The following PRKN variants were observed in gnomAD, a reference collection of about 807,000 sequenced individuals.
The protein encoded by PRKN is parkin RBR E3 ubiquitin protein ligase.
A neutral mutation model predicts 59.5 loss-of-function variants in PRKN; 56 were observed. That is an observed-to-expected ratio of 0.94 (90% CI 0.76 to 1.18). The LOEUF is 1.18. Among genes scored for constraint, PRKN ranks in the 50% most tolerant of loss-of-function variants. The probability of loss-of-function intolerance (pLI) is 0.00; values close to 1 mark genes in which losing one functional copy is unlikely to be tolerated. For synonymous variants in PRKN, 250 were observed against 222.1 expected (o/e 1.13, Z -1.12); for missense variants, 657 against 596.4 (o/e 1.10, Z -1.06).
rs1554252217 is a variant in PRKN, at chr6:161,360,167, A to G, written c.1206T>C (p.Arg402=). The change falls in exon 11 of 12, where the codon CGT becomes CGC. Residue 402 remains arginine (R), a synonymous_variant. Transcript: ENST00000366898. This position sits in a 1 kb window ranked among gnomAD's most constrained non-coding sequence, Gnocchi z 5.1. ...TGGTTTCTTTGGAGGCTGCTTCCCA[A>G]CGAGCCTGCTCGGCGGCTCTTTCAT... ...RVDERAAEQA[R]WEAASKETIK... 4.3e-6 allele frequency: 7 copies of G among 1,613,958 alleles called. No homozygotes were observed. The highest frequency in any genetic ancestry group is 2.7e-5 in the African/African-American group (2 of 75,040).
rs9365298 is a variant in PRKN, at chr6:161,538,771, T to A, written c.1083+10083A>T. Among the ~76,000 whole-genome samples, 2 of 151,988 alleles carry A rather than the reference T, an allele frequency of 1.3e-5. No homozygotes were observed. The highest frequency in any genetic ancestry group is 3.9e-4 in the East Asian group (2 of 5,182). ...TTTACCCAAGAAAAGCCCTATTACC[T>A]CCCAGGAGCTTGTAGAGAGATTTGA... On this transcript the variant is annotated intron_variant, in intron 9 of 11. Coordinates refer to ENST00000366898, the MANE Select transcript of PRKN (RefSeq NM_004562.3). The surrounding 1 kb of genome is among the most constrained non-coding windows in gnomAD (Gnocchi z 4.2).
chr6:161,733,485 A>G (rs1787806320), intron 7 of PRKN, among the ~76,000 whole-genome samples: 2 of 152,090 alleles, frequency 1.3e-5, no homozygotes, highest in Admixed American at 1.3e-4. Flanking sequence ...CAGCCAGAAT[A>G]CTACAGGTAG....
intron 4 of PRKN, among the ~76,000 whole-genome samples, chr6:162,198,174 T>G (rs1784574309): frequency 6.6e-6 from 1 of 152,016 alleles, no homozygotes; most frequent in African/African-American, 2.4e-5. Context: ...CAGCATGAAT[T>G]TAAATATCAA....
chr6:162,676,362 A>T (rs970608344), intron 1 of PRKN, among the ~76,000 whole-genome samples: 2 of 152,134 alleles, frequency 1.3e-5, no homozygotes, highest in African/African-American at 4.8e-5. Context: ...TCAAAAAAAA[A>T]ATAGCAGAGG....
intron 2 of PRKN, among the ~76,000 whole-genome samples, chr6:162,410,578 C>A (rs1395281833): frequency 6.6e-6 from 1 of 152,154 alleles, no homozygotes; most frequent in East Asian, 1.9e-4. Flanking sequence ...AGGAAGCCTG[C>A]CTCAGAGGAG....
chr6:162,046,411 T>A (rs781715345), intron 5 of PRKN, among the ~76,000 whole-genome samples: 20 of 152,206 alleles, frequency 1.3e-4, no homozygotes, highest in Non-Finnish European at 2.5e-4. Context: ...ACAGCTGACA[T>A]TCACCTTGAC....
At chr6:162,495,882 C>T (rs1793045065) in intron 1 of PRKN, among the ~76,000 whole-genome samples, 1 of 152,144 alleles carries the variant, frequency 6.6e-6, no homozygotes, top group Non-Finnish European at 1.5e-5. Context: ...CTCCTGCCCC[C>T]TTTCCATACA....
At chr6:161,696,719 T>C (rs935858798) in intron 7 of PRKN, among the ~76,000 whole-genome samples, 26 of 152,198 alleles carry the variant, frequency 1.7e-4, no homozygotes, top group African/African-American at 5.5e-4. Flanking sequence ...GTTTTATTTA[T>C]TGTTAAGATT....
intron 1 of PRKN, among the ~76,000 whole-genome samples, chr6:162,532,179 A>C (rs919709289): frequency 6.6e-6 from 1 of 152,190 alleles, no homozygotes; most frequent in Admixed American, 6.5e-5. Flanking sequence ...AGATAGCACA[A>C]ATCCAAGTAT....
intron 1 of PRKN, among the ~76,000 whole-genome samples, chr6:162,616,460 T>G (rs974809028): frequency 2.6e-5 from 4 of 152,150 alleles, no homozygotes; most frequent in African/African-American, 7.2e-5. Flanking sequence ...ATATTATTTA[T>G]AAAAAGAATA....
intron 2 of PRKN, among the ~76,000 whole-genome samples, chr6:162,414,033 A>C (rs1203854347): frequency 1.3e-5 from 2 of 152,084 alleles, no homozygotes. Flanking sequence ...AATACAAAAA[A>C]TCAGCCAGGT....
rs1245585059 is a variant in PRKN at position 162,011,403 on chromosome 6, TA to T, written c.619-37987del. ...ATATATTTATAATATATATTATAAA[TA>T]TATAATATATTATATTTTATAATAT... On this transcript the variant is annotated intron_variant, in intron 5 of 11. Coordinates refer to ENST00000366898, the MANE Select transcript of PRKN (RefSeq NM_004562.3). Among the ~76,000 whole-genome samples, 8 of 26,024 alleles carry T rather than the reference TA, an allele frequency of 3.1e-4. 2 individuals are homozygous for T. Among genetic ancestry groups the T allele is most frequent in the South Asian group, 2.2e-3 (2 of 922 alleles). 17.1% of individuals were successfully genotyped at this position (26,024 alleles called of 152,430 possible). A position where few individuals can be genotyped will look rare whatever the true frequency, so the allele number is the denominator to read the frequency against.
Position 161,448,808 on chromosome 6 carries a change from T to A in PRKN, c.1084-61931A>T, listed in dbSNP as rs558789577. 6.6e-6 allele frequency among the ~76,000 whole-genome samples: 1 copy of A among 152,292 alleles called. No homozygotes were observed. The highest frequency in any genetic ancestry group is 2.4e-5 in the African/African-American group (1 of 41,556). The stretch of plus-strand genomic sequence containing the variant: ...ACCCTTTCGTTTCTTTGCTGGACAA[T>A]CCTTATAAGCTGGAGTCCAAGTTAA... On this transcript the variant is annotated intron_variant, in intron 9 of 11. Transcript: ENST00000366898. The surrounding 1 kb of genome is among the most constrained non-coding windows in gnomAD (Gnocchi z 5.1).
At chr6:162,011,811 C>G (rs542636168) in intron 5 of PRKN, among the ~76,000 whole-genome samples, 1 of 151,584 alleles carries the variant, frequency 6.6e-6, no homozygotes, top group African/African-American at 2.4e-5. Context: ...AGTGCATAAA[C>G]CTTTACAAAA....
intron 3 of PRKN, among the ~76,000 whole-genome samples, chr6:162,210,156 C>T (rs1020922432): frequency 2.2e-5 from 2 of 92,942 alleles, no homozygotes; most frequent in Non-Finnish European, 5.2e-5. Context: ...CTCTCTGGAG[C>T]CATGACCTCT....
At chr6:162,118,266 G>A (rs1780759243) in intron 4 of PRKN, among the ~76,000 whole-genome samples, 2 of 151,800 alleles carry the variant, frequency 1.3e-5, no homozygotes, top group Non-Finnish European at 2.9e-5. Context: ...TTAGCCAGGC[G>A]TGGTGGCCAG....
At chr6:162,137,693 G>A (rs1325051153) in intron 4 of PRKN, among the ~76,000 whole-genome samples, 1 of 152,182 alleles carries the variant, frequency 6.6e-6, no homozygotes, top group African/African-American at 2.4e-5. Context: ...GCAAGAGAGA[G>A]CAAAGGGGGC....
At chr6:162,051,075 T>C (rs963039432) in intron 5 of PRKN, among the ~76,000 whole-genome samples, 3 of 152,096 alleles carry the variant, frequency 2.0e-5, no homozygotes, top group Admixed American at 6.5e-5. Flanking sequence ...GCATCCAAAA[T>C]TCCCCCCATT....
intron 5 of PRKN, among the ~76,000 whole-genome samples, chr6:162,027,810 C>T (rs1412546344): frequency 2.0e-5 from 3 of 151,036 alleles, no homozygotes; most frequent in Non-Finnish European, 4.4e-5. Flanking sequence ...GTGCTTAATA[C>T]ATGGTTGTGG....
Sources: gnomAD v4.1 joint callset for allele counts (sites outside exome capture counted in the v4.1 genomes callset) on GRCh38, gnomAD v4.1.1 for gene constraint, Gnocchi (gnomAD v3.1) non-coding constraint, MANE v1.5 for transcripts, NCBI Gene and HGNC (gene_info 2026-07-23, HGNC 2026-07-21) for gene names.